The following LRRC7 variants were observed in gnomAD, a reference collection of about 807,000 sequenced individuals.
The protein encoded by LRRC7 is leucine rich repeat containing 7.
In LRRC7, 23 loss-of-function variants were observed where a neutral mutation model predicts 175.7. The observed-to-expected ratio is 0.13, with a 90% CI of 0.09 to 0.19. LRRC7 has a LOEUF of 0.19. LRRC7 is among the 10% of genes least tolerant of loss of function. The pLI, the probability that LRRC7 is intolerant of heterozygous loss-of-function variation, is 1.00. For synonymous variants in LRRC7, 685 were observed against 680.9 expected, an observed-to-expected ratio of 1.01 and a Z score of -0.09; for missense variants, 1,354 against 1,904.7, an observed-to-expected ratio of 0.71 and a Z score of 5.38.
chr1:69,919,302 A>G (rs1646810363), intron 7 of LRRC7: 1 of 541,534 alleles, frequency 1.8e-6, no homozygotes, highest in Non-Finnish European at 3.3e-6. Flanking sequence ...GCAAATAAAT[A>G]TGACCGTGTT....
chr1:69,642,811 C>CATCG, intron 1 of LRRC7, among the ~76,000 whole-genome samples: 1 of 147,294 alleles, frequency 6.8e-6, no homozygotes, highest in East Asian at 2.0e-4. Context: ...ACAGATGATA[C>CATCG]ATAGATAGAT....
intron 4 of LRRC7, 44 bp downstream of exon 4, chr1:69,792,204 T>G (rs1675207650): frequency 8.2e-6 from 9 of 1,102,050 alleles, no homozygotes; most frequent in Non-Finnish European, 9.5e-6. Context: ...ATTTTTTAAC[T>G]GAAAATGTGC....
At chr1:69,810,093 T>C (rs1288610911) in intron 4 of LRRC7, among the ~76,000 whole-genome samples, 1 of 152,172 alleles carries the variant, frequency 6.6e-6, no homozygotes, top group Admixed American at 6.5e-5. Flanking sequence ...ACAAAATCAA[T>C]GTGCAAAAAT....
intron 3 of LRRC7, among the ~76,000 whole-genome samples, chr1:69,790,353 C>T (rs903625981): frequency 9.2e-5 from 14 of 151,954 alleles, no homozygotes; most frequent in Admixed American, 9.2e-4. Flanking sequence ...TCAGAAGTTT[C>T]TGTGTCTTTT....
chr1:69,790,057 G>C (rs944499586), intron 3 of LRRC7, among the ~76,000 whole-genome samples: 5 of 151,998 alleles, frequency 3.3e-5, no homozygotes, highest in African/African-American at 1.2e-4. Context: ...ACTGCAGGGT[G>C]CATTCCAAAT....
chr1:69,962,761 T>G (rs1394837038), intron 8 of LRRC7, among the ~76,000 whole-genome samples: 1 of 151,814 alleles, frequency 6.6e-6, no homozygotes, highest in African/African-American at 2.4e-5. Context: ...CACTTATAAG[T>G]GGGAGCTAAA....
At chr1:69,732,998 A>G (rs1024260258) in intron 2 of LRRC7, among the ~76,000 whole-genome samples, 2 of 152,046 alleles carry the variant, frequency 1.3e-5, no homozygotes, top group African/African-American at 4.8e-5. Context: ...ATTCAGTGTA[A>G]GAAGAAATCT....
At chr1:69,706,627 G>C (rs1664069784) in intron 2 of LRRC7, among the ~76,000 whole-genome samples, 2 of 152,112 alleles carry the variant, frequency 1.3e-5, no homozygotes. Context: ...CCTGATTATA[G>C]AAGGATTTGA....
rs550516107 is a variant in LRRC7, at chr1:69,845,134, C to T, written c.647+6851C>T. Among the ~76,000 whole-genome samples the T allele has an allele frequency of 9.9e-5, 15 of 152,006 alleles. No individual in the cohort carries two copies. The South Asian group carries it at 3.1e-3, about 32-fold the overall frequency. ...GGATTGGTGGTGTGTGCCTGTATTC[C>T]CAGCTACAAGGGAGGCTGAAGTGGG... On this transcript the variant is annotated intron_variant, in intron 7 of 26. Transcript: ENST00000651989.
intron 25 of LRRC7, among the ~76,000 whole-genome samples, chr1:70,100,039 C>G (rs1664703394): frequency 1.3e-5 from 2 of 152,022 alleles, no homozygotes; most frequent in South Asian, 4.1e-4. Flanking sequence ...AAGAATTTCA[C>G]TAAGAAATAA....
At chr1:69,703,716 GTGTGT>G (rs1557622995) in intron 2 of LRRC7, among the ~76,000 whole-genome samples, 1 of 151,938 alleles carries the variant, frequency 6.6e-6, no homozygotes, top group African/African-American at 2.4e-5. Context: ...GTTTGCCGGT[GTGTGT>G]ACATATAGCA....
chr1:69,895,295 A>G (rs1440516572), intron 7 of LRRC7, among the ~76,000 whole-genome samples: 2 of 152,144 alleles, frequency 1.3e-5, no homozygotes, highest in Non-Finnish European at 2.9e-5. Flanking sequence ...AAAATAAATG[A>G]ACACACACAC....
Position 69,717,810 on chromosome 1 carries a change from GA to G in LRRC7, c.100+39335del, listed in dbSNP as rs1354251852. ...AGAAAGAAAGAAAGAAAGAAAGAAA[GA>G]AAGAAAGAAAGAAAGAAAGAAAGAA... is the stretch of plus-strand genomic sequence containing the variant. On this transcript the variant is annotated intron_variant, in intron 2 of 26. Coordinates refer to ENST00000651989, the MANE Select transcript of LRRC7 (RefSeq NM_001370785.2). Among the ~76,000 whole-genome samples the G allele has an allele frequency of 1.9e-3, 45 of 24,276 alleles. 4 individuals carry two copies. Among genetic ancestry groups the G allele is most frequent in the African/African-American group, 8.1e-3 (30 of 3,694 alleles). The allele number at this position is 24,276 out of a possible 152,430, so 15.9% of individuals were successfully genotyped here.
At chr1:69,726,834 A>T (rs1667035140) in intron 2 of LRRC7, among the ~76,000 whole-genome samples, 1 of 152,200 alleles carries the variant, frequency 6.6e-6, no homozygotes, top group South Asian at 2.1e-4. Context: ...CTGCAAAGAA[A>T]AGAAAGTCTG....
intron 11 of LRRC7, among the ~76,000 whole-genome samples, chr1:70,003,837 T>C (rs762593412): frequency 4.6e-5 from 7 of 151,036 alleles, no homozygotes; most frequent in African/African-American, 1.7e-4. Flanking sequence ...TTGGAACATA[T>C]AGTATCTTTA....
intron 23 of LRRC7, among the ~76,000 whole-genome samples, chr1:70,054,019 ACTT>A (rs1660943908): frequency 6.6e-6 from 1 of 152,218 alleles, no homozygotes; most frequent in South Asian, 2.1e-4. Context: ...ACTCTTTTAG[ACTT>A]CTTATTGGAA....
chr1:69,590,316 T>C (rs1646581726), intron 1 of LRRC7, among the ~76,000 whole-genome samples: 1 of 152,170 alleles, frequency 6.6e-6, no homozygotes, highest in African/African-American at 2.4e-5. Flanking sequence ...AATGTCTATA[T>C]CATCAAGTTA....
intron 8 of LRRC7, among the ~76,000 whole-genome samples, chr1:69,961,074 T>C (rs1037414657): frequency 5.3e-5 from 8 of 152,166 alleles, no homozygotes; most frequent in African/African-American, 1.9e-4. Flanking sequence ...ATCCTATATC[T>C]AGAAAACTCC....
rs1237462819 is a variant in LRRC7 at position 69,678,495 on chromosome 1, G to A, written c.100+17G>A. The stretch of plus-strand genomic sequence containing the variant: ...AAGAGGAGTGTAAGTATGTTTAATA[G>A]GATTACCTGTGTTCTAGATAGATTT... On this transcript the variant is annotated intron_variant, in intron 2 of 26. Coordinates refer to ENST00000651989, the MANE Select transcript of LRRC7 (RefSeq NM_001370785.2). 1 of 1,564,794 alleles carries A rather than the reference G, an allele frequency of 6.4e-7. No homozygotes were observed. The highest frequency in any genetic ancestry group is 2.3e-5 in the East Asian group (1 of 43,710).
Sources: allele counts gnomAD v4.1 joint callset (sites outside exome capture counted in the v4.1 genomes callset), GRCh38; gene constraint gnomAD v4.1.1; transcripts MANE v1.5; gene names NCBI Gene and HGNC (gene_info 2026-07-23, HGNC 2026-07-21).